TBXAS1: variants seen among roughly 807,000 people sequenced by gnomAD.
TBXAS1 encodes thromboxane A synthase 1.
In TBXAS1, 48 loss-of-function variants were observed where a neutral mutation model predicts 60.7. That is an observed-to-expected ratio of 0.79 (90% CI 0.63 to 1.01). The LOEUF is 1.01. Ranked by LOEUF, TBXAS1 falls within the 50% of genes least tolerant of loss-of-function variation. The pLI is 0.00. For synonymous variants in TBXAS1, 287 were observed against 269.7 expected (o/e 1.06, Z -0.63); for missense variants, 685 against 686.3 (o/e 1.00, Z 0.02).
chr7:139,883,690 C>T (rs1269313189), intron 3 of TBXAS1, among the ~76,000 whole-genome samples: 1 of 152,148 alleles, frequency 6.6e-6, no homozygotes, highest in Non-Finnish European at 1.5e-5. Flanking sequence ...AGCTTTAGTT[C>T]TCTTAGATGT....
In TBXAS1 at chr7:139,916,565, C is replaced by T. The variant is rs1192656463; in HGVS notation, c.333+5244C>T. On this transcript the variant is annotated intron_variant, in intron 4 of 12. Coordinates refer to ENST00000448866, the MANE Select transcript of TBXAS1 (RefSeq NM_001061.7). This position sits in a 1 kb window ranked among gnomAD's most constrained non-coding sequence, Gnocchi z 4.2. Reference sequence around the variant, plus strand: ...CCCGGCACCCTGGCTGCCCCAGGTTCAGCCTCTCAGGGGCTGCTTCACTCG... The same window carrying T: ...CCCGGCACCCTGGCTGCCCCAGGTTTAGCCTCTCAGGGGCTGCTTCACTCG... Among the ~76,000 whole-genome samples, 1 of 152,206 alleles carries T rather than the reference C, an allele frequency of 6.6e-6. No individual in the cohort carries two copies.
At chr7:139,832,399 C>T (rs12535251) in intron 1 of TBXAS1, among the ~76,000 whole-genome samples, 5,225 of 121,304 alleles carry the variant, frequency 0.043, 151 homozygotes, top group South Asian at 0.1. Flanking sequence ...TAACTGAATC[C>T]AACAAAGACA....
At chr7:139,943,152 T>C (rs1467269158) in intron 5 of TBXAS1, among the ~76,000 whole-genome samples, 1 of 152,196 alleles carries the variant, frequency 6.6e-6, no homozygotes, top group African/African-American at 2.4e-5. Context: ...TTTCCAGCAG[T>C]CTATTTTTAA....
At chr7:139,889,643 G>A (rs1803400303) in intron 3 of TBXAS1, among the ~76,000 whole-genome samples, 1 of 152,192 alleles carries the variant, frequency 6.6e-6, no homozygotes, top group African/African-American at 2.4e-5. Flanking sequence ...CAGATTCATT[G>A]TCTGGTGAGG....
chr7:139,955,385 C>G, intron 6 of TBXAS1, 74 bp from the exon 7 acceptor site: 3 of 1,588,892 alleles, frequency 1.9e-6, no homozygotes, highest in Non-Finnish European at 8.6e-7. Context: ...TCAGGCCCTC[C>G]TCCTCTGGAG....
intron 3 of TBXAS1, among the ~76,000 whole-genome samples, chr7:139,879,297 G>A (rs1049129444): frequency 9.2e-5 from 14 of 152,090 alleles, no homozygotes; most frequent in African/African-American, 3.1e-4. Context: ...AACTACACAC[G>A]GTGTCTCTGC....
intron 4 of TBXAS1, among the ~76,000 whole-genome samples, chr7:139,930,276 T>C (rs1406068449): frequency 6.6e-6 from 1 of 152,198 alleles, no homozygotes; most frequent in East Asian, 1.9e-4. Context: ...GTCCACCTTC[T>C]CCCACTAGAA....
In TBXAS1 at chr7:139,925,295, A is replaced by C. The variant is rs528388565; in HGVS notation, c.334-10896A>C. ...ATTCATGAGTATGGAATATCTTTCC[A>C]TTTTTTTTGTATCTTCAATTTCTTG... On this transcript the variant is annotated intron_variant, in intron 4 of 12. Coordinates refer to ENST00000448866, the MANE Select transcript of TBXAS1 (RefSeq NM_001061.7). Among the ~76,000 whole-genome samples, 195 of 151,910 alleles carry C rather than the reference A, an allele frequency of 1.3e-3. 1 individual carries two copies. Among genetic ancestry groups the C allele is most frequent in the Middle Eastern group, 6.8e-3 (2 of 294 alleles).
intron 3 of TBXAS1, among the ~76,000 whole-genome samples, chr7:139,885,301 T>A (rs1584765413): frequency 6.6e-6 from 1 of 152,336 alleles, no homozygotes; most frequent in East Asian, 1.9e-4. Flanking sequence ...AATGTCTCAA[T>A]TAAAGTTGCA....
chr7:139,834,614 T>C (rs1008629007), intron 1 of TBXAS1, among the ~76,000 whole-genome samples: 1 of 151,992 alleles, frequency 6.6e-6, no homozygotes, highest in South Asian at 2.1e-4. Context: ...CCAAATAACG[T>C]CACTGAGAAA....
At chr7:139,848,897 A>G (rs1800008009) in intron 1 of TBXAS1, among the ~76,000 whole-genome samples, 1 of 152,116 alleles carries the variant, frequency 6.6e-6, no homozygotes, top group Non-Finnish European at 1.5e-5. Context: ...GATTCACTCT[A>G]CCTCATGCTC....
chr7:139,859,292 C>T (rs990542483), intron 1 of TBXAS1, among the ~76,000 whole-genome samples: 5 of 151,342 alleles, frequency 3.3e-5, no homozygotes, highest in African/African-American at 4.9e-5. Flanking sequence ...CTGCAAGCTC[C>T]GCCTCCCGGG....
chr7:139,892,464 G>A (rs947239147), intron 3 of TBXAS1, among the ~76,000 whole-genome samples: 36 of 152,018 alleles, frequency 2.4e-4, no homozygotes, highest in African/African-American at 7.5e-4. Context: ...ATGGTGCCGC[G>A]CACCTGTAAT....
At chr7:139,792,578 G>A (rs1468288741) in intron 4 of TBXAS1, among the ~76,000 whole-genome samples, 2 of 152,210 alleles carry the variant, frequency 1.3e-5, no homozygotes, top group South Asian at 4.1e-4. Flanking sequence ...TGGGAATACA[G>A]GTGGTTATTC....
intron 5 of TBXAS1, among the ~76,000 whole-genome samples, chr7:139,945,658 G>A (rs998262709): frequency 3.3e-5 from 5 of 152,210 alleles, no homozygotes; most frequent in African/African-American, 9.6e-5. Flanking sequence ...GCAATATTGA[G>A]AGTGTATTAG....
At chr7:139,886,868 C>T (rs911100337) in intron 3 of TBXAS1, among the ~76,000 whole-genome samples, 1 of 152,166 alleles carries the variant, frequency 6.6e-6, no homozygotes, top group Non-Finnish European at 1.5e-5. Context: ...GCTGCTTCCC[C>T]CAAAGGCTTA....
intron 4 of TBXAS1, among the ~76,000 whole-genome samples, chr7:139,817,806 C>T (rs1040820583): frequency 6.6e-6 from 1 of 152,120 alleles, no homozygotes; most frequent in African/African-American, 2.4e-5. Flanking sequence ...ATGGTTATTT[C>T]AATAAACTGA....
Position 139,902,436 on chromosome 7 carries a change from C to T in TBXAS1, c.237-8789C>T, listed in dbSNP as rs553643616. Among the ~76,000 whole-genome samples the T allele has an allele frequency of 2.6e-5, 4 of 152,204 alleles. No individual in the cohort carries two copies. In the East Asian group the frequency reaches 7.7e-4, roughly 29 times the overall value. ...GATTCATCCAAATTTGTGCATGTAA[C>T]AATAGCTTGTTCTTTTTTAAATTGC... On this transcript the variant is annotated intron_variant, in intron 3 of 12. Coordinates refer to ENST00000448866, the MANE Select transcript of TBXAS1 (RefSeq NM_001061.7).
intron 5 of TBXAS1, among the ~76,000 whole-genome samples, chr7:139,950,748 CGGG>C (rs1809171818): frequency 8.7e-6 from 1 of 115,026 alleles, no homozygotes; most frequent in Admixed American, 8.2e-5. Flanking sequence ...CCTCCATCTA[CGGG>C]ACCCCCTCGC....
Sources: allele counts gnomAD v4.1 joint callset (sites outside exome capture counted in the v4.1 genomes callset), GRCh38; gene constraint gnomAD v4.1.1; non-coding constraint Gnocchi (gnomAD v3.1); transcripts MANE v1.5; gene names NCBI Gene and HGNC (gene_info 2026-07-23, HGNC 2026-07-21).